SYT1: variants seen among roughly 807,000 people sequenced by gnomAD.
SYT1 encodes the protein synaptotagmin 1, also known as synaptotagmin-1.
SYT1 carries 8 observed loss-of-function variants against 44.8 expected under a neutral mutation model. The ratio of observed to expected loss-of-function variants is 0.18; its 90% CI spans 0.10 to 0.32. SYT1 has a LOEUF of 0.32. Ranked by LOEUF, SYT1 falls within the 10% of genes least tolerant of loss-of-function variation. SYT1 has a pLI of 1.00. For synonymous variants in SYT1, 154 were observed against 188.8 expected, an observed-to-expected ratio of 0.82 and a Z score of 1.51; for missense variants, 286 against 509.3, an observed-to-expected ratio of 0.56 and a Z score of 4.22.
intron 4 of SYT1, among the ~76,000 whole-genome samples, chr12:79,252,699 C>T (rs1316044246): frequency 6.6e-6 from 1 of 152,168 alleles, no homozygotes; most frequent in Admixed American, 6.5e-5. Flanking sequence ...CCACCGTAGA[C>T]CTGTAGCATG....
chr12:79,224,721 T>C (rs1452149783), intron 4 of SYT1, among the ~76,000 whole-genome samples: 2 of 126,132 alleles, frequency 1.6e-5, no homozygotes, highest in African/African-American at 6.4e-5. Context: ...GTGGTTTTTT[T>C]GTTTTGTTTC....
chr12:79,137,496 G>A (rs1195093311), intron 3 of SYT1, among the ~76,000 whole-genome samples: 2 of 152,094 alleles, frequency 1.3e-5, no homozygotes, highest in Non-Finnish European at 2.9e-5. Flanking sequence ...CAAGAGCAAT[G>A]GGGCTTAGAT....
chr12:79,307,640 G>A (rs376706533), intron 8 of SYT1, among the ~76,000 whole-genome samples: 99 of 148,380 alleles, frequency 6.7e-4, no homozygotes, highest in Middle Eastern at 6.8e-3. Flanking sequence ...GGGGGCGTGG[G>A]GGGGGGCGGC....
chr12:79,237,397 C>G (rs904402365), intron 4 of SYT1, among the ~76,000 whole-genome samples: 3 of 151,894 alleles, frequency 2.0e-5, no homozygotes, highest in Non-Finnish European at 4.4e-5. Flanking sequence ...AGACAGAAAT[C>G]CAGTGATAAA....
At chr12:79,384,545 C>A (rs1298631886) in intron 9 of SYT1, among the ~76,000 whole-genome samples, 2 of 152,106 alleles carry the variant, frequency 1.3e-5, no homozygotes. Context: ...GTGAATTCAG[C>A]AAAACATATT....
chr12:78,900,716 C>G (rs1875614509), intron 1 of SYT1, among the ~76,000 whole-genome samples: 1 of 151,990 alleles, frequency 6.6e-6, no homozygotes, highest in Non-Finnish European at 1.5e-5. Context: ...CTGGACTGAA[C>G]TACAAGTATC....
At chr12:79,198,024 G>A (rs547178827) in intron 3 of SYT1, among the ~76,000 whole-genome samples, 1 of 152,034 alleles carries the variant, frequency 6.6e-6, no homozygotes, top group African/African-American at 2.4e-5. Context: ...TCCATTTCTA[G>A]ACCAAAACAG....
At chr12:79,306,677 TA>T (rs1880413925) in intron 8 of SYT1, among the ~76,000 whole-genome samples, 2 of 152,306 alleles carry the variant, frequency 1.3e-5, no homozygotes, top group South Asian at 4.1e-4. Flanking sequence ...TCAATGTAAG[TA>T]TTAGGTTTTC....
At chr12:79,036,220 T>G (rs953340200) in intron 2 of SYT1, among the ~76,000 whole-genome samples, 5 of 151,736 alleles carry the variant, frequency 3.3e-5, no homozygotes, top group South Asian at 4.2e-4. Flanking sequence ...ACTGGGAAAA[T>G]AGAGAGATCA....
chr12:79,155,532 A>C (rs1421287656), intron 3 of SYT1, among the ~76,000 whole-genome samples: 1 of 152,240 alleles, frequency 6.6e-6, no homozygotes, highest in Non-Finnish European at 1.5e-5. Flanking sequence ...TCTAGGCATC[A>C]AATCAACTGT....
At chr12:79,185,315 C>T (rs17005344) in intron 3 of SYT1, among the ~76,000 whole-genome samples, 7,303 of 151,890 alleles carry the variant, frequency 0.048, 348 homozygotes, top group East Asian at 0.12. Context: ...TCTATTTTTC[C>T]GACTGTTTTT....
At chr12:79,418,241 G>T (rs949265471) in intron 9 of SYT1, among the ~76,000 whole-genome samples, 11 of 152,124 alleles carry the variant, frequency 7.2e-5, no homozygotes, top group Non-Finnish European at 1.6e-4. Flanking sequence ...TTTCCTAGAA[G>T]TATTTTGCAT....
chr12:79,105,606 C>T (rs117660616), intron 3 of SYT1, among the ~76,000 whole-genome samples: 3,481 of 152,192 alleles, frequency 0.023, 116 homozygotes, highest in South Asian at 0.11. Context: ...TTTGGCCGGG[C>T]GTGGTGGCTC....
intron 3 of SYT1, among the ~76,000 whole-genome samples, chr12:79,209,580 G>A (rs1031749187): frequency 5.9e-5 from 9 of 152,196 alleles, no homozygotes; most frequent in African/African-American, 1.9e-4. Flanking sequence ...CCATTCCTGG[G>A]TAAGGGGGTT....
intron 9 of SYT1, among the ~76,000 whole-genome samples, chr12:79,365,094 C>T (rs752338446): frequency 6.6e-6 from 1 of 152,070 alleles, no homozygotes; most frequent in Non-Finnish European, 1.5e-5. Context: ...TAATCCTTTC[C>T]CATTCCTCAG....
At chr12:78,898,440 G>T (rs1226546127) in intron 1 of SYT1, among the ~76,000 whole-genome samples, 1 of 152,020 alleles carries the variant, frequency 6.6e-6, no homozygotes, top group African/African-American at 2.4e-5. Context: ...TTGTGTCAAA[G>T]AATTACAAAC....
At chr12:79,253,362 C>T (rs942804146) in intron 4 of SYT1, among the ~76,000 whole-genome samples, 6 of 151,934 alleles carry the variant, frequency 3.9e-5, no homozygotes, top group Admixed American at 1.3e-4. Context: ...TTATGGTGAT[C>T]GGTGATCTTT....
intron 3 of SYT1, among the ~76,000 whole-genome samples, chr12:79,077,838 A>T (rs1007087629): frequency 3.3e-5 from 5 of 152,140 alleles, no homozygotes; most frequent in Admixed American, 6.6e-5. Flanking sequence ...TGCTGGCCCT[A>T]TTAGAAATAC....
At chr12:79,244,341 G>T (rs1272138300) in intron 4 of SYT1, among the ~76,000 whole-genome samples, 1 of 152,028 alleles carries the variant, frequency 6.6e-6, no homozygotes, top group East Asian at 1.9e-4. Context: ...TAGTTCTTTT[G>T]CATTCTTTTT....
Sources: gnomAD v4.1 joint callset for allele counts (sites outside exome capture counted in the v4.1 genomes callset) on GRCh38, gnomAD v4.1.1 for gene constraint, MANE v1.5 for transcripts, NCBI Gene and HGNC (gene_info 2026-07-23, HGNC 2026-07-21) for gene names.